RPS6KC1: variants seen among roughly 807,000 people sequenced by gnomAD.
The protein encoded by RPS6KC1 is ribosomal protein S6 kinase C1, also known as inactive ribosomal protein S6 kinase delta-1.
In RPS6KC1, 54 loss-of-function variants were observed where a neutral mutation model predicts 103.8. That is an observed-to-expected ratio of 0.52 (90% CI 0.42 to 0.65). The LOEUF (loss-of-function observed/expected upper bound fraction) is 0.65. Ranked by LOEUF, RPS6KC1 falls within the 30% of genes least tolerant of loss-of-function variation. RPS6KC1 has a pLI of 0.00. For synonymous variants in RPS6KC1, 439 were observed against 438.7 expected (o/e 1.00, Z -0.01); for missense variants, 1,151 against 1,253.8 (o/e 0.92, Z 1.24).
At chr1:213,136,890 G>A (rs1455295131) in intron 6 of RPS6KC1, among the ~76,000 whole-genome samples, 1 of 152,174 alleles carries the variant, frequency 6.6e-6, no homozygotes, top group Non-Finnish European at 1.5e-5. Context: ...TGGAGAAGGA[G>A]TCTTGCTATG....
At chr1:213,256,547 A>AG (rs2094647088) in intron 12 of RPS6KC1, among the ~76,000 whole-genome samples, 1 of 151,788 alleles carries the variant, frequency 6.6e-6, no homozygotes, top group Non-Finnish European at 1.5e-5. Flanking sequence ...AAAAAAAAAA[A>AG]GTCGCAAAAA....
chr1:213,335,259 G>A, the RPS6KC1 span, among the ~76,000 whole-genome samples: 5 of 152,234 alleles, frequency 3.3e-5, no homozygotes, highest in Non-Finnish European at 5.9e-5. Flanking sequence ...GCTCCTTAGG[G>A]AAGTTAAGTA....
the RPS6KC1 span, among the ~76,000 whole-genome samples, chr1:213,630,224 C>A: frequency 3.9e-5 from 6 of 152,238 alleles, no homozygotes; most frequent in African/African-American, 1.4e-4. Flanking sequence ...GTACACCAAT[C>A]AGACGTAGAT....
chr1:213,378,658 T>C, the RPS6KC1 span, among the ~76,000 whole-genome samples: 1 of 152,190 alleles, frequency 6.6e-6, no homozygotes, highest in Admixed American at 6.5e-5. Context: ...CATATCCATA[T>C]TTTATATATC....
the RPS6KC1 span, among the ~76,000 whole-genome samples, chr1:213,802,594 T>C: frequency 5.9e-5 from 9 of 152,352 alleles, no homozygotes; most frequent in African/African-American, 2.2e-4. Context: ...GAATGATTTT[T>C]TTGACATTCA....
the RPS6KC1 span, among the ~76,000 whole-genome samples, chr1:213,428,516 TCCTCTTTC>T: frequency 2.0e-5 from 1 of 50,054 alleles, no homozygotes; most frequent in African/African-American, 6.4e-5. Context: ...CTTCCTTCCT[TCCTCTTTC>T]TCTCTCTCTC....
chr1:213,117,278 C>G (rs939940167), intron 4 of RPS6KC1, 39 bp from the exon 5 acceptor site: 9 of 1,218,542 alleles, frequency 7.4e-6, no homozygotes, highest in Admixed American at 7.4e-5. Flanking sequence ...TGTTTATGCT[C>G]TTAATGCTAA....
chr1:213,067,471 CA>C (rs1416317886), intron 1 of RPS6KC1, among the ~76,000 whole-genome samples: 2 of 152,090 alleles, frequency 1.3e-5, no homozygotes, highest in African/African-American at 4.8e-5. Context: ...ATCATGAAGA[CA>C]TTAAGAGCCT....
the RPS6KC1 span, among the ~76,000 whole-genome samples, chr1:213,608,061 T>C: frequency 1.3e-5 from 2 of 152,164 alleles, no homozygotes; most frequent in African/African-American, 4.8e-5. Flanking sequence ...ACATGTTGCC[T>C]TTGGAGAGTC....
chr1:213,095,614 C>T (rs1022050525), intron 3 of RPS6KC1, among the ~76,000 whole-genome samples: 1 of 152,116 alleles, frequency 6.6e-6, no homozygotes, highest in African/African-American at 2.4e-5. Context: ...ATTATACACA[C>T]ACAGAAATAT....
At chr1:213,685,329 A>G in the RPS6KC1 span, among the ~76,000 whole-genome samples, 2 of 152,186 alleles carry the variant, frequency 1.3e-5, no homozygotes, top group African/African-American at 2.4e-5. Flanking sequence ...ATTTTAAAAA[A>G]TCTGTAAGAT....
the RPS6KC1 span, among the ~76,000 whole-genome samples, chr1:213,772,711 A>G: frequency 7.9e-5 from 12 of 152,010 alleles, no homozygotes; most frequent in Non-Finnish European, 1.5e-4. Flanking sequence ...ATGGAGGAGC[A>G]AGAAGGCTCT....
At chr1:213,434,134 TGG>T in the RPS6KC1 span, among the ~76,000 whole-genome samples, 196 of 152,110 alleles carry the variant, frequency 1.3e-3, no homozygotes, top group Non-Finnish European at 1.8e-3. Flanking sequence ...CTTACTCATT[TGG>T]TTAACATTTA....
chr1:213,257,845 C>T (rs1330743054), intron 12 of RPS6KC1, among the ~76,000 whole-genome samples: 1 of 124,122 alleles, frequency 8.1e-6, no homozygotes, highest in Non-Finnish European at 1.6e-5. Context: ...ACTCTGTCGC[C>T]CAGGCTGGAG....
intron 8 of RPS6KC1, among the ~76,000 whole-genome samples, chr1:213,216,898 A>G (rs2148726464): frequency 6.6e-6 from 1 of 152,258 alleles, no homozygotes; most frequent in South Asian, 2.1e-4. Flanking sequence ...TTATAGCACT[A>G]AATGCCCACA....
At chr1:213,510,349 ACTTTTAT>A in the RPS6KC1 span, among the ~76,000 whole-genome samples, 3 of 152,094 alleles carry the variant, frequency 2.0e-5, no homozygotes, top group Non-Finnish European at 4.4e-5. Context: ...AGTTAGATCC[ACTTTTAT>A]CTTTGTCATT....
the RPS6KC1 span, among the ~76,000 whole-genome samples, chr1:213,618,813 C>G: frequency 1.3e-5 from 2 of 152,130 alleles, no homozygotes; most frequent in Admixed American, 6.5e-5. Flanking sequence ...TAATTGAAAA[C>G]CCTTATGGTG....
chr1:213,851,491 T>C, the RPS6KC1 span, among the ~76,000 whole-genome samples: 1 of 152,176 alleles, frequency 6.6e-6, no homozygotes. Flanking sequence ...TGACACCCTC[T>C]CTTGACTCCA....
At chr1:213,587,809 A>G in the RPS6KC1 span, among the ~76,000 whole-genome samples, 16,607 of 152,166 alleles carry the variant, frequency 0.11, 1,486 homozygotes, top group African/African-American at 0.25. Context: ...ATCTCTAGAA[A>G]TCCCACTGAG....
Sources: gnomAD v4.1 joint callset for allele counts (sites outside exome capture counted in the v4.1 genomes callset) on GRCh38, gnomAD v4.1.1 for gene constraint, MANE v1.5 for transcripts, NCBI Gene and HGNC (gene_info 2026-07-23, HGNC 2026-07-21) for gene names.